The following ZFPM1 variants were observed in gnomAD, a reference collection of about 807,000 sequenced individuals.
ZFPM1 encodes the protein zinc finger protein ZFPM1.
A neutral mutation model predicts 46.3 loss-of-function variants in ZFPM1; 28 were observed. The observed-to-expected ratio is 0.60, with a 90% confidence interval of 0.45 to 0.83. The LOEUF is 0.83. ZFPM1 is among the 40% of genes least tolerant of loss of function. The pLI is 0.00. For synonymous variants in ZFPM1, 957 were observed against 675.9 expected, an observed-to-expected ratio of 1.42 and a Z score of -6.45; for missense variants, 1,878 against 1,432.4, an observed-to-expected ratio of 1.31 and a Z score of -5.02.
intron 3 of ZFPM1, among the ~76,000 whole-genome samples, chr16:88,492,698 C>T (rs973164040): frequency 6.6e-6 from 1 of 152,212 alleles, no homozygotes; most frequent in African/African-American, 2.4e-5. Flanking sequence ...GTTAGCCCGG[C>T]GGAGAGGCCC....
In ZFPM1 at chr16:88,534,645, C is replaced by T. The variant is rs1913136831; in HGVS notation, c.2687C>T (p.Ala896Val). ...CCGGGGGTCGAGGCCCGGACGCCGGCCGACCGCGGCCCCTCGCCCGCTCCC... is the reference window on the plus strand; with the variant it reads ...CCGGGGGTCGAGGCCCGGACGCCGGTCGACCGCGGCCCCTCGCCCGCTCCC... ...AGPGVEARTP[A>V]DRGPSPAPAP... Residue 896 changes from alanine to valine, a missense_variant, in exon 10 of 10, where the codon GCC (alanine) becomes GTC (valine). Ala to Val is a moderately conservative substitution (Grantham distance 64, BLOSUM62 0). Transcript: ENST00000319555. 7 of 1,031,706 alleles carry T rather than the reference C, an allele frequency of 6.8e-6. No homozygotes were observed. Among genetic ancestry groups the T allele is most frequent in the Non-Finnish European group, 7.0e-6 (6 of 862,712 alleles). 63.9% of individuals were successfully genotyped at this position (1,031,706 alleles called of 1,614,324 possible).
At chr16:88,461,661 A>C (rs943101109) in intron 1 of ZFPM1, among the ~76,000 whole-genome samples, 1 of 152,114 alleles carries the variant, frequency 6.6e-6, no homozygotes, top group African/African-American at 2.4e-5. Flanking sequence ...TATTTTGCCA[A>C]AAGCCCTGAG....
Position 88,535,121 on chromosome 16 carries a change from C to T in ZFPM1, c.*142C>T, listed in dbSNP as rs1233130725. 3 of 1,042,322 alleles carry T rather than the reference C, an allele frequency of 2.9e-6. No homozygotes were observed. Among genetic ancestry groups the T allele is most frequent in the Admixed American group, 4.1e-5 (1 of 24,374 alleles). The allele number at this position is 1,042,322 out of a possible 1,614,324, so 64.6% of individuals were successfully genotyped here. A position where few individuals can be genotyped will look rare whatever the true frequency, so the allele number is the denominator to read the frequency against. ...GGAGGGGGCCGCAGGGGGCAGCGCC[C>T]GCCTGGACCCTTGGCACTTAATAAA... On this transcript the variant is annotated 3_prime_UTR_variant, in exon 10 of 10. Transcript: ENST00000319555.
intron 5 of ZFPM1, among the ~76,000 whole-genome samples, chr16:88,527,185 C>T (rs1297456322): frequency 1.3e-5 from 2 of 152,172 alleles, no homozygotes; most frequent in African/African-American, 2.4e-5. Context: ...TTCTGCCCCT[C>T]TGGGGGACAC....
At chr16:88,491,488 C>T (rs1394138551) in intron 3 of ZFPM1, among the ~76,000 whole-genome samples, 1 of 152,208 alleles carries the variant, frequency 6.6e-6, no homozygotes, top group East Asian at 1.9e-4. Flanking sequence ...CACCGTCATG[C>T]GGCTGGGAGG....
chr16:88,471,497 T>C lies in ZFPM1; in HGVS notation c.41-14442T>C, dbSNP rs1291587520. 2.0e-5 allele frequency among the ~76,000 whole-genome samples: 3 copies of C among 151,462 alleles called. No homozygotes were observed. Among genetic ancestry groups the C allele is most frequent in the Non-Finnish European group, 4.4e-5 (3 of 67,940 alleles). On this transcript the variant is annotated intron_variant, in intron 1 of 9. Coordinates refer to ENST00000319555, the MANE Select transcript of ZFPM1 (RefSeq NM_153813.3). The surrounding 1 kb of genome is among the most constrained non-coding windows in gnomAD (Gnocchi z 4.1). ...GGATGCCAGGACCCCGAGACGACCA[T>C]GCCCACAGTGGCTCCCACGCATAGT...
At chr16:88,515,198 G>T (rs746152792) in intron 4 of ZFPM1, among the ~76,000 whole-genome samples, 5 of 152,222 alleles carry the variant, frequency 3.3e-5, no homozygotes, top group Admixed American at 6.5e-5. Flanking sequence ...CTGTAAGTAC[G>T]TGTGGGGCTG....
chr16:88,461,240 TGGG>T (rs1907869847), intron 1 of ZFPM1, among the ~76,000 whole-genome samples: 1 of 70,796 alleles, frequency 1.4e-5, no homozygotes, highest in Non-Finnish European at 2.8e-5. Context: ...GACCCAGGGG[TGGG>T]GCGGGAGGCC....
intron 2 of ZFPM1, among the ~76,000 whole-genome samples, chr16:88,486,265 C>T (rs1002250985): frequency 2.0e-5 from 3 of 152,234 alleles, no homozygotes; most frequent in African/African-American, 7.2e-5. Context: ...GCATGTGCAG[C>T]CTGAAATCCA....
rs151338883 is a variant in ZFPM1, at chr16:88,465,222, A to G, written c.40+11544A>G. 3.4e-3 allele frequency among the ~76,000 whole-genome samples: 522 copies of G among 152,278 alleles called. 4 individuals carry two copies. The highest frequency in any genetic ancestry group is 0.012 in the African/African-American group (504 of 41,542). ...TCACAGCAGGGCCCGGGCTGGGGAG[A>G]CACAGGCAGGGCGCAGCGTCTGCTC... On this transcript the variant is annotated intron_variant, in intron 1 of 9. Coordinates refer to ENST00000319555, the MANE Select transcript of ZFPM1 (RefSeq NM_153813.3).
At chr16:88,532,480 G>A (rs1430968995) in intron 7 of ZFPM1, 134 bp from the exon 8 acceptor site, 3 of 955,362 alleles carry the variant, frequency 3.1e-6, no homozygotes, top group East Asian at 5.3e-5. Flanking sequence ...AGGAGGAGGA[G>A]GAGGGGTTTA....
At chr16:88,499,070 C>A (rs1052125197) in intron 3 of ZFPM1, among the ~76,000 whole-genome samples, 2 of 152,200 alleles carry the variant, frequency 1.3e-5, no homozygotes, top group African/African-American at 4.8e-5. Flanking sequence ...GAGGCCGGCT[C>A]CCCTTCCTTC....
intron 3 of ZFPM1, among the ~76,000 whole-genome samples, chr16:88,491,374 G>A (rs1909564654): frequency 6.6e-6 from 1 of 152,216 alleles, no homozygotes; most frequent in Non-Finnish European, 1.5e-5. Flanking sequence ...TGGCCACTGG[G>A]CAAACAGGGT....
At chr16:88,486,501 G>A (rs887586774) in intron 2 of ZFPM1, among the ~76,000 whole-genome samples, 7 of 150,944 alleles carry the variant, frequency 4.6e-5, no homozygotes, top group East Asian at 2.0e-4. Flanking sequence ...GTGGATGACC[G>A]CTGGGTGCAA....
chr16:88,525,379 G>C (rs1278717209), intron 4 of ZFPM1, among the ~76,000 whole-genome samples: 1 of 152,254 alleles, frequency 6.6e-6, no homozygotes, highest in Non-Finnish European at 1.5e-5. Context: ...GGGTTGGGCT[G>C]ACTGCCATCC....
chr16:88,532,626 T>C lies in ZFPM1; in HGVS notation c.959T>C (p.Phe320Ser). Residue 320 changes from phenylalanine to serine, a missense_variant, in exon 8 of 10, where the codon TTC (phenylalanine) becomes TCC (serine). By Grantham distance (155) the Phe-to-Ser change is radical. Coordinates refer to ENST00000319555, the MANE Select transcript of ZFPM1 (RefSeq NM_153813.3). ...HMRSHSGERP[F>S]VCLICLSAFT... is the part of the protein sequence containing the mutation. ...CCCTGTGTTCCAGGAGAGCGGCCCT[T>C]CGTGTGCCTGATCTGCCTGTCGGCC... The C allele has an allele frequency of 6.4e-7, 1 of 1,572,474 alleles. No individual in the cohort carries two copies. The highest frequency in any genetic ancestry group is 8.6e-7 in the Non-Finnish European group (1 of 1,158,616).
intron 4 of ZFPM1, among the ~76,000 whole-genome samples, chr16:88,518,792 A>C (rs1446784077): frequency 8.9e-6 from 1 of 112,888 alleles, no homozygotes; most frequent in Non-Finnish European, 1.8e-5. Flanking sequence ...GGATGGGTGG[A>C]TGCATGGGTG....
chr16:88,462,061 G>A (rs1330595649), intron 1 of ZFPM1, among the ~76,000 whole-genome samples: 1 of 152,204 alleles, frequency 6.6e-6, no homozygotes, highest in Non-Finnish European at 1.5e-5. Flanking sequence ...TGTGTTTTGG[G>A]GGAAGGCAGT....
intron 1 of ZFPM1, among the ~76,000 whole-genome samples, chr16:88,479,283 G>T (rs1417624028): frequency 6.6e-6 from 1 of 152,118 alleles, no homozygotes; most frequent in Non-Finnish European, 1.5e-5. Context: ...TGCTCTCTGT[G>T]CTTCGGTTTC....
Sources: allele counts gnomAD v4.1 joint callset (sites outside exome capture counted in the v4.1 genomes callset), GRCh38; gene constraint gnomAD v4.1.1; non-coding constraint Gnocchi (gnomAD v3.1); transcripts MANE v1.5; gene names NCBI Gene and HGNC (gene_info 2026-07-23, HGNC 2026-07-21).